Variants in KLHDC10 observed in about 807,000 individuals in gnomAD.
The protein encoded by KLHDC10 is kelch domain containing 10.
In KLHDC10, 24 loss-of-function variants were observed where a neutral mutation model predicts 56.1. The observed-to-expected ratio is 0.43, with a 90% CI of 0.31 to 0.60. The LOEUF (loss-of-function observed/expected upper bound fraction) is 0.60, where lower values mean the gene tolerates loss of function less well. KLHDC10 is among the 20% of genes least tolerant of loss of function. KLHDC10 has a pLI of 0.11. For missense variants in KLHDC10, 349 were observed against 567.0 expected (o/e 0.62, Z 3.91); for synonymous variants, 188 against 207.1 (o/e 0.91, Z 0.79).
At chr7:130,115,525 G>A (rs2116900387) in intron 2 of KLHDC10, among the ~76,000 whole-genome samples, 1 of 152,056 alleles carries the variant, frequency 6.6e-6, no homozygotes, top group East Asian at 1.9e-4. Flanking sequence ...AGACCAGCCT[G>A]ACCAACATGG....
At chr7:130,095,357 A>G (rs939265328) in intron 1 of KLHDC10, among the ~76,000 whole-genome samples, 17 of 152,134 alleles carry the variant, frequency 1.1e-4, no homozygotes, top group Non-Finnish European at 2.2e-4. Context: ...AGAATATTTA[A>G]CAACAAAAAG....
chr7:130,085,269 G>A (rs1173149163), intron 1 of KLHDC10, among the ~76,000 whole-genome samples: 2 of 151,012 alleles, frequency 1.3e-5, no homozygotes, highest in Admixed American at 1.3e-4. Flanking sequence ...GGAGGTGGAG[G>A]TTGCAGTGAG....
intron 1 of KLHDC10, among the ~76,000 whole-genome samples, chr7:130,083,867 T>G (rs10251765): frequency 0.48 from 72,204 of 151,938 alleles, 18,556 homozygotes; most frequent in East Asian, 0.74. Flanking sequence ...GCTTCCTGGG[T>G]GTCAGGTCTC....
In KLHDC10 at chr7:130,130,675, C is replaced by T. The variant is rs1796388423; in HGVS notation, c.1258C>T (p.Leu420Phe). 1 of 1,614,154 alleles carries T rather than the reference C, an allele frequency of 6.2e-7. No homozygotes were observed. Residue 420 changes from leucine (L) to phenylalanine (F), a missense_variant, in exon 10 of 10, where the codon CTT becomes TTT. Physicochemically the swap from Leu to Phe is conservative, Grantham distance 22 (BLOSUM62 0). This residue lies in a region of KLHDC10 where 245 missense variants were observed against 470.1 expected (regional missense o/e 0.52). Coordinates refer to ENST00000335420, the MANE Select transcript of KLHDC10 (RefSeq NM_014997.4). The surrounding 1 kb of genome is among the most constrained non-coding windows in gnomAD (Gnocchi z 4.2). ...GAAGCTGCTTGCGGCCTTCCCTAAC[C>T]TTGCAAACCTCTCCCGAACACAACT... ...WEKLLAAFPN[L>F]ANLSRTQLLH...
chr7:130,091,318 A>G (rs867823239), intron 1 of KLHDC10, among the ~76,000 whole-genome samples: 25 of 152,234 alleles, frequency 1.6e-4, no homozygotes, highest in African/African-American at 6.0e-4. Flanking sequence ...AGTATAACTC[A>G]TCCAGTTCCT....
intron 5 of KLHDC10, 65 bp from the exon 6 acceptor site, chr7:130,124,386 A>G: frequency 1.1e-6 from 1 of 914,188 alleles, no homozygotes; most frequent in South Asian, 1.4e-5. Context: ...AAAAAACCTT[A>G]TAGCTAAATC....
At chr7:130,118,183 T>A (rs953395650) in intron 3 of KLHDC10, among the ~76,000 whole-genome samples, 1 of 151,986 alleles carries the variant, frequency 6.6e-6, no homozygotes, top group South Asian at 2.1e-4. Context: ...TCAAAAAAAA[T>A]AAAAATAAAA....
chr7:130,106,832 G>A (rs113140532), intron 2 of KLHDC10, among the ~76,000 whole-genome samples: 18,327 of 152,002 alleles, frequency 0.12, 1,299 homozygotes, highest in East Asian at 0.31. Flanking sequence ...TTAGCCGGGC[G>A]TGGTGGCACA....
At chr7:130,106,044 G>T (rs974488945) in intron 2 of KLHDC10, among the ~76,000 whole-genome samples, 4 of 152,162 alleles carry the variant, frequency 2.6e-5, no homozygotes, top group African/African-American at 9.7e-5. Flanking sequence ...GGCTACTCGG[G>T]AGACTGAGAC....
intron 2 of KLHDC10, among the ~76,000 whole-genome samples, chr7:130,110,508 A>G (rs572499943): frequency 1.3e-5 from 2 of 152,310 alleles, no homozygotes; most frequent in East Asian, 3.9e-4. Flanking sequence ...TTATATAACC[A>G]ACAAGTAATA....
chr7:130,110,133 ACAT>A lies in KLHDC10; in HGVS notation c.254-6311_254-6309del, dbSNP rs1440999552. Among the ~76,000 whole-genome samples the A allele has an allele frequency of 2.0e-5, 3 of 152,208 alleles. No homozygotes were observed. In the East Asian group the frequency reaches 5.8e-4, roughly 29 times the overall value. Reference sequence around the variant, plus strand: ...GGTTTCTCCCCATTTTCTCATAGTTACATTCAGCTTATATATTTTTGGCAGGAC... The same window carrying A: ...GGTTTCTCCCCATTTTCTCATAGTTATCAGCTTATATATTTTTGGCAGGAC... On this transcript the variant is annotated intron_variant, in intron 2 of 9. Coordinates refer to ENST00000335420, the MANE Select transcript of KLHDC10 (RefSeq NM_014997.4).
chr7:130,097,057 C>A, intron 2 of KLHDC10, 50 bp downstream of exon 2: 1 of 1,246,994 alleles, frequency 8.0e-7, no homozygotes, highest in Non-Finnish European at 1.1e-6. Context: ...TTAAAGGGAA[C>A]TTTGAATGAA....
intron 1 of KLHDC10, among the ~76,000 whole-genome samples, chr7:130,074,199 G>A (rs1166132435): frequency 6.6e-6 from 1 of 152,136 alleles, no homozygotes; most frequent in Admixed American, 6.6e-5. Flanking sequence ...CATTGCACAA[G>A]CTTTTCCGTC....
chr7:130,114,312 G>A (rs771843509), intron 2 of KLHDC10, among the ~76,000 whole-genome samples: 4 of 152,184 alleles, frequency 2.6e-5, no homozygotes, highest in African/African-American at 4.8e-5. Context: ...CTGTGTGCCC[G>A]AGGCTTGGTT....
chr7:130,082,323 C>CA (rs920065360), intron 1 of KLHDC10, among the ~76,000 whole-genome samples: 5 of 151,804 alleles, frequency 3.3e-5, no homozygotes, highest in Admixed American at 3.3e-4. Context: ...GATGCTGCCT[C>CA]AAAAAAACCC....
rs768580957 is a variant in KLHDC10, at chr7:130,124,560, A to C, written c.864+25A>C. On this transcript the variant is annotated intron_variant, in intron 6 of 9. Transcript: ENST00000335420. ...GGTATATTTTTTTAAAAAGAAAAAAAGGGAGAGGGAGAAGGATAGAAGGAG... is the reference window on the plus strand; with the variant it reads ...GGTATATTTTTTTAAAAAGAAAAAACGGGAGAGGGAGAAGGATAGAAGGAG... 1.4e-5 allele frequency: 16 copies of C among 1,178,706 alleles called. No homozygotes were observed. The East Asian group carries it at 3.0e-4, about 22-fold the overall frequency. The allele number at this position is 1,178,706 out of a possible 1,614,324, so 73.0% of individuals were successfully genotyped here. A position where few individuals can be genotyped will look rare whatever the true frequency, so the allele number is the denominator to read the frequency against.
intron 7 of KLHDC10, 149 bp downstream of exon 7, chr7:130,126,080 A>C (rs777824723): frequency 3.7e-5 from 23 of 627,154 alleles, no homozygotes; most frequent in Non-Finnish European, 4.9e-5. Context: ...TAATCTCAGC[A>C]CTTTGGGAGG....
chr7:130,093,065 G>GC lies in KLHDC10; in HGVS notation c.167-3855dup, dbSNP rs549483542. Reference sequence around the variant, plus strand: ...GGAGATTTTAGGGGAAGGTGAGCTTGCTCACACTGTGCTCAGCCTACCATC... The same window carrying GC: ...GGAGATTTTAGGGGAAGGTGAGCTTGCCTCACACTGTGCTCAGCCTACCATC... On this transcript the variant is annotated intron_variant, in intron 1 of 9. Transcript: ENST00000335420. 1.1e-3 allele frequency among the ~76,000 whole-genome samples: 169 copies of GC among 150,896 alleles called. No homozygotes were observed. The Middle Eastern group carries it at 0.021, about 18-fold the overall frequency.
chr7:130,120,838 G>A lies in KLHDC10; in HGVS notation c.565G>A (p.Val189Met). The change falls in exon 4 of 10, where the codon GTG becomes ATG. Residue 189 changes from valine (V) to methionine (M), a missense_variant. Val to Met is a conservative substitution (Grantham distance 21, BLOSUM62 1). Coordinates refer to ENST00000335420, the MANE Select transcript of KLHDC10 (RefSeq NM_014997.4). The surrounding 1 kb of genome is among the most constrained non-coding windows in gnomAD (Gnocchi z 5.1). ...SNGNDVHVCN[V>M]KYKRWALLSC... is the part of the protein sequence containing the mutation. ...CGGCAATGACGTCCATGTGTGTAAT[G>A]TGAAGTATAAGAGATGGGCTTTGCT... 6.2e-7 allele frequency: 1 copy of A among 1,614,194 alleles called. No homozygotes were observed. Among genetic ancestry groups the A allele is most frequent in the Non-Finnish European group, 8.5e-7 (1 of 1,180,022 alleles).
Sources: allele counts gnomAD v4.1 joint callset (sites outside exome capture counted in the v4.1 genomes callset), GRCh38; gene constraint gnomAD v4.1.1; regional missense constraint gnomAD v4.1.1; non-coding constraint Gnocchi (gnomAD v3.1); transcripts MANE v1.5; gene names NCBI Gene and HGNC (gene_info 2026-07-23, HGNC 2026-07-21).